The following FHIT variants were observed in gnomAD, a reference collection of about 807,000 sequenced individuals.
FHIT encodes the protein fragile histidine triad diadenosine triphosphatase.
FHIT carries 19 observed loss-of-function variants against 17.9 expected under a neutral mutation model. The ratio of observed to expected loss-of-function variants is 1.06; its 90% CI spans 0.74 to 1.56. FHIT has a LOEUF of 1.56. Among genes scored for constraint, FHIT ranks in the 40% most tolerant of loss-of-function variants. The pLI is 0.00. For synonymous variants in FHIT, 81 were observed against 69.7 expected, an observed-to-expected ratio of 1.16 and a Z score of -0.81; for missense variants, 248 against 189.2, an observed-to-expected ratio of 1.31 and a Z score of -1.82.
intron 5 of FHIT, among the ~76,000 whole-genome samples, chr3:60,520,821 C>T (rs2035330634): frequency 6.6e-6 from 1 of 152,158 alleles, no homozygotes; most frequent in Non-Finnish European, 1.5e-5. Context: ...TTTAAAACCA[C>T]TATGGCAAAG....
At chr3:61,142,085 T>C (rs776684648) in intron 2 of FHIT, among the ~76,000 whole-genome samples, 1 of 151,142 alleles carries the variant, frequency 6.6e-6, no homozygotes, top group Non-Finnish European at 1.5e-5. Context: ...AAATGGCTCA[T>C]GGAGATATTA....
intron 5 of FHIT, among the ~76,000 whole-genome samples, chr3:60,338,606 G>A (rs10510840): frequency 0.035 from 5,251 of 152,182 alleles, 305 homozygotes; most frequent in African/African-American, 0.12. Flanking sequence ...AGTTCAAAAA[G>A]CATGGTTACC....
At chr3:60,926,530 C>T (rs1326005332) in intron 3 of FHIT, among the ~76,000 whole-genome samples, 1 of 152,132 alleles carries the variant, frequency 6.6e-6, no homozygotes, top group Admixed American at 6.5e-5. Flanking sequence ...CACAACATAC[C>T]AGAATCTGTG....
intron 2 of FHIT, among the ~76,000 whole-genome samples, chr3:61,079,705 A>G (rs1414739638): frequency 6.6e-6 from 1 of 152,200 alleles, no homozygotes; most frequent in East Asian, 1.9e-4. Context: ...CAACCTATGT[A>G]TACCAGAATT....
chr3:60,177,801 G>T (rs750032116), intron 5 of FHIT, among the ~76,000 whole-genome samples: 5 of 152,148 alleles, frequency 3.3e-5, no homozygotes, highest in Non-Finnish European at 5.9e-5. Context: ...CTCTGAAAAG[G>T]ATTCCCACTA....
chr3:60,929,609 A>C (rs57109146), intron 3 of FHIT, among the ~76,000 whole-genome samples: 1 of 152,152 alleles, frequency 6.6e-6, no homozygotes, highest in Non-Finnish European at 1.5e-5. Context: ...ACTCCCATTC[A>C]CAATTGCTTC....
At chr3:60,654,772 A>G (rs899127200) in intron 4 of FHIT, among the ~76,000 whole-genome samples, 4 of 152,228 alleles carry the variant, frequency 2.6e-5, no homozygotes, top group African/African-American at 4.8e-5. Context: ...AATTGTGCAA[A>G]TATTTTCATT....
chr3:60,029,640 A>G (rs187624201), intron 5 of FHIT, among the ~76,000 whole-genome samples: 29 of 152,304 alleles, frequency 1.9e-4, no homozygotes, highest in African/African-American at 6.7e-4. Flanking sequence ...TAAATAACAG[A>G]GGCTCTCTAA....
intron 1 of FHIT, among the ~76,000 whole-genome samples, chr3:61,207,261 G>A (rs1223141807): frequency 6.6e-6 from 1 of 152,106 alleles, no homozygotes; most frequent in South Asian, 2.1e-4. Context: ...GTTCATCAGG[G>A]ATATTGATCT....
intron 5 of FHIT, among the ~76,000 whole-genome samples, chr3:60,113,316 A>G (rs1704764272): frequency 6.6e-6 from 1 of 150,410 alleles, no homozygotes; most frequent in Non-Finnish European, 1.5e-5. Flanking sequence ...GCATAAATGA[A>G]TAGGCTATAA....
intron 8 of FHIT, among the ~76,000 whole-genome samples, chr3:59,869,237 C>G (rs1702798852): frequency 1.3e-5 from 2 of 152,080 alleles, no homozygotes; most frequent in African/African-American, 4.8e-5. Context: ...TTTTCTCAAC[C>G]AACAAGCTCA....
chr3:60,445,364 T>C (rs563492620), intron 5 of FHIT, among the ~76,000 whole-genome samples: 1 of 152,192 alleles, frequency 6.6e-6, no homozygotes, highest in South Asian at 2.1e-4. Flanking sequence ...TGTTCTTGGA[T>C]TACAGTGGTC....
chr3:61,218,594 A>C (rs993821293), intron 1 of FHIT, among the ~76,000 whole-genome samples: 11 of 152,164 alleles, frequency 7.2e-5, no homozygotes, highest in African/African-American at 2.7e-4. Flanking sequence ...GGTAATGGAG[A>C]AGATCTATTT....
intron 5 of FHIT, among the ~76,000 whole-genome samples, chr3:60,312,095 C>A (rs558874857): frequency 2.0e-5 from 3 of 151,974 alleles, no homozygotes; most frequent in Non-Finnish European, 4.4e-5. Flanking sequence ...TTGGTGAAAC[C>A]TTTAATTATA....
rs1407436202 is a variant in FHIT at position 60,711,717 on chromosome 3, T to A, written c.-18+110202A>T. 4.6e-5 allele frequency among the ~76,000 whole-genome samples: 7 copies of A among 151,838 alleles called. No homozygotes were observed. The East Asian group carries it at 1.4e-3, about 29-fold the overall frequency. On this transcript the variant is annotated intron_variant, in intron 4 of 9. Coordinates refer to ENST00000492590, the MANE Select transcript of FHIT (RefSeq NM_002012.4). ...GAATGAAATGAAGTGAGAAGGGAAG[T>A]TTAGAGAAAGAAGAATAAAAAGAAA...
At chr3:60,927,744 C>A (rs879967733) in intron 3 of FHIT, among the ~76,000 whole-genome samples, 1 of 150,754 alleles carries the variant, frequency 6.6e-6, no homozygotes, top group African/African-American at 2.4e-5. Flanking sequence ...TGCCCCCACC[C>A]GGCAGCCGCC....
intron 2 of FHIT, among the ~76,000 whole-genome samples, chr3:61,049,436 T>G (rs970734695): frequency 6.6e-6 from 1 of 151,964 alleles, no homozygotes; most frequent in Admixed American, 6.6e-5. Context: ...CCCCTAATGA[T>G]ATAAGACCTA....
At chr3:59,850,066 T>G (rs1701873035) in intron 8 of FHIT, among the ~76,000 whole-genome samples, 2 of 152,208 alleles carry the variant, frequency 1.3e-5, no homozygotes, top group African/African-American at 2.4e-5. Flanking sequence ...GACCAAATGC[T>G]AACATGAAAT....
chr3:61,096,429 G>A (rs2035641115), intron 2 of FHIT, among the ~76,000 whole-genome samples: 1 of 152,166 alleles, frequency 6.6e-6, no homozygotes, highest in African/African-American at 2.4e-5. Context: ...AATGATAAGA[G>A]TCCTGGGACA....
Sources: gnomAD v4.1 joint callset for allele counts (sites outside exome capture counted in the v4.1 genomes callset) on GRCh38, gnomAD v4.1.1 for gene constraint, MANE v1.5 for transcripts, NCBI Gene and HGNC (gene_info 2026-07-23, HGNC 2026-07-21) for gene names.